Variants in MYO18B observed in about 807,000 individuals in gnomAD.
The protein encoded by MYO18B is unconventional myosin-XVIIIb.
MYO18B carries 204 observed loss-of-function variants against 273.0 expected under a neutral mutation model. That is an observed-to-expected ratio of 0.75 (90% confidence interval 0.67 to 0.84). The LOEUF (loss-of-function observed/expected upper bound fraction) is 0.84, where lower values mean the gene tolerates loss of function less well. Among genes scored for constraint, MYO18B ranks in the 40% least tolerant of loss-of-function variants. MYO18B has a pLI of 0.00. For synonymous variants in MYO18B, 1,330 were observed against 1,305.7 expected (o/e 1.02, Z -0.40); for missense variants, 3,212 against 3,287.6 (o/e 0.98, Z 0.56).
At chr22:25,977,596 G>T (rs932100731) in intron 39 of MYO18B, among the ~76,000 whole-genome samples, 1 of 152,142 alleles carries the variant, frequency 6.6e-6, no homozygotes, top group Non-Finnish European at 1.5e-5. Flanking sequence ...CAATAGTTTG[G>T]CTAGTAGAGT....
intron 13 of MYO18B, among the ~76,000 whole-genome samples, chr22:25,825,905 A>G (rs977853233): frequency 1.9e-4 from 29 of 152,342 alleles, no homozygotes; most frequent in African/African-American, 6.7e-4. Context: ...TTCTCTCCAG[A>G]AAAAGGGAAT....
intron 34 of MYO18B, among the ~76,000 whole-genome samples, chr22:25,931,508 G>T (rs2146504392): frequency 6.6e-6 from 1 of 152,278 alleles, no homozygotes; most frequent in East Asian, 1.9e-4. Flanking sequence ...CCACTTGAGT[G>T]CAGTGAATTC....
At chr22:25,851,903 C>T (rs904382235) in intron 21 of MYO18B, among the ~76,000 whole-genome samples, 3 of 152,184 alleles carry the variant, frequency 2.0e-5, no homozygotes, top group African/African-American at 7.2e-5. Context: ...ACCAAACCCC[C>T]ACAACAATGT....
chr22:25,919,002 C>A (rs1274567211), intron 33 of MYO18B, among the ~76,000 whole-genome samples: 1 of 152,200 alleles, frequency 6.6e-6, no homozygotes, highest in Non-Finnish European at 1.5e-5. Context: ...AGTTGTTCCT[C>A]CATGTAAGAG....
chr22:26,039,629 G>C, the MYO18B span, among the ~76,000 whole-genome samples: 13 of 151,942 alleles, frequency 8.6e-5, no homozygotes, highest in Non-Finnish European at 1.0e-4. Flanking sequence ...TTTTGTTTTA[G>C]TTATATATGT....
intron 40 of MYO18B, among the ~76,000 whole-genome samples, chr22:25,997,096 G>A (rs954788393): frequency 5.3e-5 from 8 of 151,948 alleles, no homozygotes; most frequent in African/African-American, 1.9e-4. Flanking sequence ...GCCAAGGCGG[G>A]TGGATCACTT....
intron 15 of MYO18B, among the ~76,000 whole-genome samples, chr22:25,832,231 T>C (rs1225815660): frequency 1.3e-5 from 2 of 152,178 alleles, no homozygotes; most frequent in African/African-American, 4.8e-5. Context: ...AATTCCCATG[T>C]GATTCAGCAA....
At chr22:25,954,788 T>A (rs923017230) in intron 38 of MYO18B, among the ~76,000 whole-genome samples, 1 of 152,192 alleles carries the variant, frequency 6.6e-6, no homozygotes, top group African/African-American at 2.4e-5. Context: ...CTTGGCTCAC[T>A]ACAACCTCCA....
the MYO18B span, among the ~76,000 whole-genome samples, chr22:26,057,278 A>G: frequency 6.6e-6 from 1 of 152,210 alleles, no homozygotes; most frequent in Non-Finnish European, 1.5e-5. Context: ...TCACTCAGTT[A>G]ATATGATGCC....
intron 40 of MYO18B, among the ~76,000 whole-genome samples, chr22:25,997,162 A>C (rs1370930653): frequency 6.6e-6 from 1 of 152,002 alleles, no homozygotes; most frequent in African/African-American, 2.4e-5. Flanking sequence ...GTCTCTACCC[A>C]AAATACAAAA....
At chr22:26,054,078 C>T in the MYO18B span, among the ~76,000 whole-genome samples, 1 of 151,982 alleles carries the variant, frequency 6.6e-6, no homozygotes, top group East Asian at 1.9e-4. Flanking sequence ...GATGTGGAGG[C>T]GGAGAAAAAG....
intron 12 of MYO18B, among the ~76,000 whole-genome samples, chr22:25,806,365 G>A (rs141303744): frequency 3.2e-4 from 49 of 152,296 alleles, no homozygotes; most frequent in African/African-American, 1.1e-3. Flanking sequence ...GGCTTAGTCA[G>A]TTTATTACAG....
At chr22:25,783,615 G>A (rs1416364276) in intron 10 of MYO18B, among the ~76,000 whole-genome samples, 1 of 152,210 alleles carries the variant, frequency 6.6e-6, no homozygotes, top group South Asian at 2.1e-4. Flanking sequence ...TGGAGAGGGG[G>A]ATTTGGAGGC....
intron 11 of MYO18B, among the ~76,000 whole-genome samples, chr22:25,795,419 A>G (rs1243064765): frequency 6.6e-6 from 1 of 152,218 alleles, no homozygotes; most frequent in African/African-American, 2.4e-5. Context: ...AGGAAGAGAA[A>G]GGAGCAAATG....
Position 25,898,383 on chromosome 22 carries a change from C to T in MYO18B, c.4745C>T (p.Thr1582Ile), listed in dbSNP as rs759064872. The change falls in exon 29 of 44, where the codon ACC becomes ATC. Residue 1582 changes from threonine to isoleucine, a missense_variant. Physicochemically the swap from Thr to Ile is moderately conservative, Grantham distance 89 (BLOSUM62 -1). Transcript: ENST00000335473. The stretch of plus-strand genomic sequence containing the variant: ...CTGAAGAGGAAGTGCCACCATCTTA[C>T]CTGTGACCTTGAGGATACCTGCGTC... ...HQLKRKCHHLTCDLEDTCVLL... is the reference protein window; with the variant it reads ...HQLKRKCHHLICDLEDTCVLL... The T allele has an allele frequency of 2.5e-6, 4 of 1,613,800 alleles. No homozygotes were observed. The highest frequency in any genetic ancestry group is 1.7e-5 in the Admixed American group (1 of 59,990).
intron 11 of MYO18B, among the ~76,000 whole-genome samples, chr22:25,797,653 A>T (rs2087978559): frequency 6.6e-6 from 1 of 152,134 alleles, no homozygotes. Flanking sequence ...GGCTTTGCTC[A>T]TCTTTGCATC....
At chr22:25,845,740 G>T (rs1348943699) in intron 18 of MYO18B, among the ~76,000 whole-genome samples, 3 of 152,226 alleles carry the variant, frequency 2.0e-5, no homozygotes, top group Non-Finnish European at 4.4e-5. Flanking sequence ...GCTAGGCCTG[G>T]TCTAGGAATA....
intron 31 of MYO18B, among the ~76,000 whole-genome samples, chr22:25,905,047 G>GT (rs199873011): frequency 6.6e-4 from 98 of 149,286 alleles, no homozygotes; most frequent in East Asian, 1.4e-3. Flanking sequence ...ATTTTAAAGT[G>GT]TTTTTTTTAA....
chr22:25,886,739 A>T (rs962801774), intron 25 of MYO18B, among the ~76,000 whole-genome samples: 1 of 152,126 alleles, frequency 6.6e-6, no homozygotes, highest in Non-Finnish European at 1.5e-5. Context: ...AAAGGGTCAG[A>T]TGGTAGATGT....
Sources: allele counts gnomAD v4.1 joint callset (sites outside exome capture counted in the v4.1 genomes callset), GRCh38; gene constraint gnomAD v4.1.1; transcripts MANE v1.5; gene names NCBI Gene and HGNC (gene_info 2026-07-23, HGNC 2026-07-21).